Variants in LHFPL3 observed in about 807,000 individuals in gnomAD.
The protein encoded by LHFPL3 is LHFPL tetraspan subfamily member 3 protein.
A neutral mutation model predicts 19.3 loss-of-function variants in LHFPL3; 5 were observed. The observed-to-expected ratio is 0.26, with a 90% CI of 0.14 to 0.54. The LOEUF (loss-of-function observed/expected upper bound fraction) is 0.54. LHFPL3 is among the 20% of genes least tolerant of loss of function. The pLI is 0.94. For missense variants in LHFPL3, 249 were observed against 307.4 expected (o/e 0.81, Z 1.42); for synonymous variants, 133 against 126.2 (o/e 1.05, Z -0.36).
intron 1 of LHFPL3, among the ~76,000 whole-genome samples, chr7:104,666,958 G>A (rs953790510): frequency 3.9e-5 from 6 of 152,114 alleles, no homozygotes; most frequent in Non-Finnish European, 8.8e-5. Context: ...TAAACACGGA[G>A]GTGCAGGTAT....
intron 1 of LHFPL3, among the ~76,000 whole-genome samples, chr7:104,474,820 C>T (rs1792980309): frequency 6.6e-6 from 1 of 151,778 alleles, no homozygotes; most frequent in Non-Finnish European, 1.5e-5. Context: ...GCTTTATTTC[C>T]TGTTGCAGAG....
intron 1 of LHFPL3, among the ~76,000 whole-genome samples, chr7:104,392,487 T>C (rs1331750416): frequency 6.6e-6 from 1 of 151,930 alleles, no homozygotes. Context: ...CTGGATTACA[T>C]TTATTGATTT....
chr7:104,859,916 G>C (rs1268228427), intron 2 of LHFPL3, among the ~76,000 whole-genome samples: 2 of 152,156 alleles, frequency 1.3e-5, no homozygotes, highest in African/African-American at 4.8e-5. Context: ...TGTTGATAGT[G>C]CAGAAAACAG....
intron 2 of LHFPL3, among the ~76,000 whole-genome samples, chr7:104,831,246 A>G (rs1302333904): frequency 6.6e-6 from 1 of 151,874 alleles, no homozygotes; most frequent in African/African-American, 2.4e-5. Context: ...TTATATATGC[A>G]TAATATGATA....
chr7:104,672,419 C>T lies in LHFPL3; in HGVS notation c.446-64256C>T, dbSNP rs540745464. The stretch of plus-strand genomic sequence containing the variant: ...CTAGTTCATCTTGGTGTTCTCAGTT[C>T]CTCGCACAGTGAATGTATTGAATAA... On this transcript the variant is annotated intron_variant, in intron 1 of 2. Transcript: ENST00000424859. 1.7e-3 allele frequency among the ~76,000 whole-genome samples: 266 copies of T among 152,174 alleles called. 2 individuals carry two copies. Among genetic ancestry groups the T allele is most frequent in the African/African-American group, 6.0e-3 (247 of 41,502 alleles).
chr7:104,543,752 CTG>C (rs1331922649), intron 1 of LHFPL3, among the ~76,000 whole-genome samples: 9 of 100,332 alleles, frequency 9.0e-5, no homozygotes, highest in Non-Finnish European at 1.4e-4. Context: ...ACATCACACT[CTG>C]GGGTCTGTTG....
intron 1 of LHFPL3, among the ~76,000 whole-genome samples, chr7:104,521,658 C>A (rs1794066311): frequency 6.6e-6 from 1 of 152,050 alleles, no homozygotes; most frequent in African/African-American, 2.4e-5. Context: ...GGGCTAATAT[C>A]CAGAATCTAC....
intron 2 of LHFPL3, among the ~76,000 whole-genome samples, chr7:104,754,008 G>T (rs1794232200): frequency 6.6e-6 from 1 of 152,126 alleles, no homozygotes; most frequent in African/African-American, 2.4e-5. Context: ...TTACACCCAG[G>T]AAATTTCTCA....
intron 1 of LHFPL3, among the ~76,000 whole-genome samples, chr7:104,529,180 G>C (rs939002371): frequency 6.1e-4 from 93 of 152,062 alleles, no homozygotes; most frequent in African/African-American, 2.2e-3. Flanking sequence ...CAATGACTAT[G>C]GTCAGAAGAA....
At chr7:104,666,993 T>G (rs1792367586) in intron 1 of LHFPL3, among the ~76,000 whole-genome samples, 1 of 152,204 alleles carries the variant, frequency 6.6e-6, no homozygotes, top group South Asian at 2.1e-4. Context: ...GATTTTCTTT[T>G]CTTTGGATAA....
chr7:104,351,023 G>A (rs1176435808), intron 1 of LHFPL3, among the ~76,000 whole-genome samples: 1 of 139,548 alleles, frequency 7.2e-6, no homozygotes, highest in Non-Finnish European at 1.5e-5. Context: ...CTGGGCAACA[G>A]AGCAAGACTC....
intron 1 of LHFPL3, among the ~76,000 whole-genome samples, chr7:104,384,279 A>C (rs1562881047): frequency 2.6e-5 from 4 of 152,206 alleles, no homozygotes; most frequent in Admixed American, 1.3e-4. Flanking sequence ...CTAGACAGAC[A>C]GCAAAGGAAA....
intron 1 of LHFPL3, among the ~76,000 whole-genome samples, chr7:104,420,616 G>A (rs1055906667): frequency 3.0e-4 from 41 of 138,016 alleles, no homozygotes; most frequent in Non-Finnish European, 1.8e-4. Context: ...CTGGAGTGCA[G>A]TGGCGCGATC....
intron 1 of LHFPL3, among the ~76,000 whole-genome samples, chr7:104,549,255 T>C (rs540305455): frequency 1.5e-4 from 23 of 152,116 alleles, no homozygotes; most frequent in Non-Finnish European, 3.2e-4. Flanking sequence ...CTCTTCTCTC[T>C]CCATATGCAC....
chr7:104,684,146 G>T (rs775163272), intron 1 of LHFPL3, among the ~76,000 whole-genome samples: 9 of 152,134 alleles, frequency 5.9e-5, no homozygotes, highest in Non-Finnish European at 1.3e-4. Context: ...GATTAGTTCA[G>T]GGATTTTCAA....
chr7:104,766,836 A>G (rs1415755590), intron 2 of LHFPL3, among the ~76,000 whole-genome samples: 1 of 152,172 alleles, frequency 6.6e-6, no homozygotes, highest in African/African-American at 2.4e-5. Context: ...TTTCTGCTCT[A>G]TTATTTTGCC....
chr7:104,733,729 C>T (rs1204435611), intron 1 of LHFPL3, among the ~76,000 whole-genome samples: 3 of 152,088 alleles, frequency 2.0e-5, no homozygotes, highest in African/African-American at 7.2e-5. Context: ...ACATCTAAGA[C>T]TAATATTGTT....
chr7:104,362,557 A>G (rs772342422), intron 1 of LHFPL3, among the ~76,000 whole-genome samples: 1 of 152,242 alleles, frequency 6.6e-6, no homozygotes, highest in East Asian at 1.9e-4. Context: ...CTAACAGCAA[A>G]CCTCATGCTG....
At chr7:104,729,264 T>C (rs1793645298) in intron 1 of LHFPL3, among the ~76,000 whole-genome samples, 1 of 152,214 alleles carries the variant, frequency 6.6e-6, no homozygotes, top group Non-Finnish European at 1.5e-5. Flanking sequence ...CACGTATTTA[T>C]GGCAAACATA....
Sources: gnomAD v4.1 joint callset for allele counts (sites outside exome capture counted in the v4.1 genomes callset) on GRCh38, gnomAD v4.1.1 for gene constraint, MANE v1.5 for transcripts, NCBI Gene and HGNC (gene_info 2026-07-23, HGNC 2026-07-21) for gene names.